The following ABCD3 variants were observed in gnomAD, a reference collection of about 807,000 sequenced individuals.
ABCD3 encodes ATP binding cassette subfamily D member 3, also known as ATP-binding cassette sub-family D member 3.
In ABCD3, 41 loss-of-function variants were observed where a neutral mutation model predicts 105.5. The observed-to-expected ratio is 0.39, with a 90% CI of 0.30 to 0.50. The LOEUF (loss-of-function observed/expected upper bound fraction) is 0.50. Ranked by LOEUF, ABCD3 falls within the 20% of genes least tolerant of loss-of-function variation. The pLI, the probability that ABCD3 is intolerant of heterozygous loss-of-function variation, is 0.84. For missense variants in ABCD3, 622 were observed against 806.3 expected (o/e 0.77, Z 2.77); for synonymous variants, 258 against 269.0 (o/e 0.96, Z 0.40).
chr1:94,486,562 G>A (rs770036187), intron 10 of ABCD3, among the ~76,000 whole-genome samples: 6 of 152,156 alleles, frequency 3.9e-5, no homozygotes, highest in Non-Finnish European at 7.3e-5. Context: ...CATTTTAGTG[G>A]AGCAGACAAT....
chr1:94,414,790 C>CT (rs1228489623), upstream of ABCD3, among the ~76,000 whole-genome samples: 1 of 152,184 alleles, frequency 6.6e-6, no homozygotes, highest in African/African-American at 2.4e-5. Flanking sequence ...TCGGAATCCT[C>CT]TTTTTTCCAT....
chr1:94,500,755 G>A (rs1409726165), intron 20 of ABCD3, among the ~76,000 whole-genome samples: 2 of 151,968 alleles, frequency 1.3e-5, no homozygotes, highest in African/African-American at 4.8e-5. Context: ...TCTACATGAG[G>A]TTAATATTAA....
Position 94,517,056 on chromosome 1 carries a change from A to G in ABCD3, c.1907A>G (p.Tyr636Cys), listed in dbSNP as rs1650952212. Residue 636 changes from tyrosine (Y) to cysteine (C), a missense_variant, in exon 23 of 23, where the codon TAC becomes TGC. By Grantham distance (194) the Tyr-to-Cys change is radical. Around this residue, in one of 4 missense-constraint regions of ABCD3, gnomAD observed 285 missense variants for 352.5 expected, o/e 0.81. Coordinates refer to ENST00000370214, the MANE Select transcript of ABCD3 (RefSeq NM_002858.4). ...TTTCCCCCTTCTTTCCCATAGTACT[A>G]CCTGCATATGGATGGCAGAGGCAAC... ...RKSLWKHHEYYLHMDGRGNYE... is the reference protein window; with the variant it reads ...RKSLWKHHEYCLHMDGRGNYE... 2 of 1,607,584 alleles carry G rather than the reference A, an allele frequency of 1.2e-6. No individual in the cohort carries two copies. The highest frequency in any genetic ancestry group is 1.7e-6 in the Non-Finnish European group (2 of 1,174,740).
chr1:94,446,134 G>GA (rs1275939109), intron 1 of ABCD3, among the ~76,000 whole-genome samples: 1 of 152,232 alleles, frequency 6.6e-6, no homozygotes, highest in East Asian at 1.9e-4. Context: ...TGTGAAAAAG[G>GA]AAAACATTGG....
At chr1:94,507,561 G>C (rs910589898) in intron 21 of ABCD3, among the ~76,000 whole-genome samples, 47 of 151,830 alleles carry the variant, frequency 3.1e-4, no homozygotes, top group East Asian at 3.9e-4. Flanking sequence ...CTGAGGAATC[G>C]CCACACTGAC....
Position 94,518,062 on chromosome 1 carries a change from G to A in ABCD3, c.*933G>A, listed in dbSNP as rs185047786. ...TGCAATGCTATCACTGTCTTTGACT[G>A]TGATTTTATGTTTAAAAAGTATGTT... On this transcript the variant is annotated 3_prime_UTR_variant, in exon 23 of 23. Transcript: ENST00000370214. 83 of 151,946 alleles carry A rather than the reference G, an allele frequency of 5.5e-4. No individual in the cohort carries two copies. The highest frequency in any genetic ancestry group is 1.8e-3 in the African/African-American group (75 of 41,520). 9.4% of individuals were successfully genotyped at this position (151,946 alleles called of 1,614,324 possible).
At chr1:94,427,577 A>G (rs1011980258) in intron 1 of ABCD3, among the ~76,000 whole-genome samples, 1 of 152,194 alleles carries the variant, frequency 6.6e-6, no homozygotes, top group Admixed American at 6.5e-5. Flanking sequence ...TGTAATATGA[A>G]CTTGAATTAT....
chr1:94,454,374 G>T (rs1290695260), intron 1 of ABCD3, among the ~76,000 whole-genome samples: 5 of 152,150 alleles, frequency 3.3e-5, no homozygotes, highest in African/African-American at 9.7e-5. Flanking sequence ...CTTATGTTCA[G>T]TATGGAATAA....
chr1:94,410,662 T>C, the ABCD3 span, among the ~76,000 whole-genome samples: 2 of 152,138 alleles, frequency 1.3e-5, no homozygotes, highest in Admixed American at 6.5e-5. Context: ...GATCTCAGCC[T>C]CACCCCAAAA....
Position 94,418,505 on chromosome 1 carries a change from G to T in ABCD3, c.27G>T (p.Thr9=). Residue 9 remains threonine, a synonymous_variant, in exon 1 of 23, where the codon ACG becomes ACT. Transcript: ENST00000370214. MAAFSKYL[T]ARNSSLAGAA... is the part of the protein sequence containing the mutation. ...TGGCGGCCTTCAGCAAGTACTTGACGGCGCGAAACTCCTCGCTGGCTGGTG... is the reference window on the plus strand; with the variant it reads ...TGGCGGCCTTCAGCAAGTACTTGACTGCGCGAAACTCCTCGCTGGCTGGTG... The T allele has an allele frequency of 1.2e-6, 2 of 1,605,172 alleles. No homozygotes were observed. The highest frequency in any genetic ancestry group is 1.3e-5 in the African/African-American group (1 of 74,962).
intron 1 of ABCD3, among the ~76,000 whole-genome samples, chr1:94,437,419 C>G (rs1233710446): frequency 6.6e-6 from 1 of 152,184 alleles, no homozygotes. Context: ...TTTACTCTGC[C>G]TACATGTAAA....
intron 21 of ABCD3, among the ~76,000 whole-genome samples, chr1:94,506,919 TATCTC>T (rs1173564698): frequency 1.3e-4 from 20 of 152,032 alleles, no homozygotes; most frequent in African/African-American, 2.9e-4. Flanking sequence ...ATACAAAAGA[TATCTC>T]ATTTATATAT....
At chr1:94,491,502 A>C (rs1157237172) in intron 16 of ABCD3, among the ~76,000 whole-genome samples, 1 of 152,164 alleles carries the variant, frequency 6.6e-6, no homozygotes, top group African/African-American at 2.4e-5. Flanking sequence ...AAAATATAGT[A>C]AATTGGAGTC....
intron 1 of ABCD3, among the ~76,000 whole-genome samples, chr1:94,431,313 G>A (rs1196876193): frequency 6.6e-6 from 1 of 152,128 alleles, no homozygotes; most frequent in African/African-American, 2.4e-5. Context: ...AGATAGGCAG[G>A]TAGAAATCAA....
At chr1:94,421,562 ATGTGTG>A (rs3073023) in intron 1 of ABCD3, among the ~76,000 whole-genome samples, 42 of 149,026 alleles carry the variant, frequency 2.8e-4, no homozygotes, top group South Asian at 1.9e-3. Flanking sequence ...GAGCTATAAG[ATGTGTG>A]TGTGTGTGTG....
At chr1:94,406,763 T>C in the ABCD3 span, 75 of 153,668 alleles carry the variant, frequency 4.9e-4, no homozygotes, top group South Asian at 1.0e-3. Context: ...CCTTGATGTT[T>C]ATGACTTAAC....
intron 1 of ABCD3, chr1:94,432,793 A>G (rs1026135301): frequency 2.0e-5 from 3 of 152,218 alleles, no homozygotes; most frequent in Non-Finnish European, 4.4e-5. Context: ...TATTTGCTAT[A>G]TTAAGTCATG....
the ABCD3 span, among the ~76,000 whole-genome samples, chr1:94,391,960 C>T: frequency 3.9e-5 from 6 of 152,132 alleles, no homozygotes; most frequent in South Asian, 2.1e-4. Context: ...ACACAGAAAA[C>T]GGTGGGGGAG....
chr1:94,505,736 AAGT>A (rs1650321501), intron 20 of ABCD3, among the ~76,000 whole-genome samples: 1 of 152,118 alleles, frequency 6.6e-6, no homozygotes, highest in African/African-American at 2.4e-5. Context: ...GGATCCTCAG[AAGT>A]AGGAGGAAAC....
Sources: allele counts gnomAD v4.1 joint callset (sites outside exome capture counted in the v4.1 genomes callset), GRCh38; gene constraint gnomAD v4.1.1; regional missense constraint gnomAD v4.1.1; transcripts MANE v1.5; gene names NCBI Gene and HGNC (gene_info 2026-07-23, HGNC 2026-07-21).